The following LPL variants were observed in gnomAD, a reference collection of about 807,000 sequenced individuals.
LPL encodes the protein phospholipase A1.
Under a neutral mutation model 52.2 loss-of-function variants are expected in LPL, and 43 were observed. That is an observed-to-expected ratio of 0.82 (90% CI 0.64 to 1.06). LPL has a LOEUF of 1.06. Among genes scored for constraint, LPL ranks in the 50% least tolerant of loss-of-function variants. The pLI is 0.00. For missense variants in LPL, 639 were observed against 585.3 expected (o/e 1.09, Z -0.95); for synonymous variants, 244 against 215.6 (o/e 1.13, Z -1.15).
intron 5 of LPL, among the ~76,000 whole-genome samples, chr8:19,954,794 AT>A (rs1212001739): frequency 1.3e-5 from 2 of 152,212 alleles, no homozygotes; most frequent in African/African-American, 2.4e-5. Context: ...TTTTACTTTA[AT>A]AATGTTAGCT....
intron 9 of LPL, among the ~76,000 whole-genome samples, chr8:19,963,251 C>T (rs1023348827): frequency 1.2e-4 from 18 of 152,144 alleles, no homozygotes; most frequent in South Asian, 2.1e-4. Context: ...GCCTGGCCAA[C>T]GTGGCGAAAC....
Position 19,952,571 on chromosome 8 carries a change from AC to A in LPL, c.429+625del, listed in dbSNP as rs535686473. Among the ~76,000 whole-genome samples the A allele has an allele frequency of 4.1e-3, 626 of 152,350 alleles. 3 individuals are homozygous for A. Among genetic ancestry groups the A allele is most frequent in the Non-Finnish European group, 5.3e-3 (360 of 68,030 alleles). On this transcript the variant is annotated intron_variant, in intron 3 of 9. Coordinates refer to ENST00000650287, the MANE Select transcript of LPL (RefSeq NM_000237.3). ...GGGTTGGAAAGAAGCTGATACTCTG[AC>A]CAAGGCAAATTATTTTAACCAGGTA... is the stretch of plus-strand genomic sequence containing the variant.
At chr8:19,943,757 T>C (rs1037019846) in intron 1 of LPL, among the ~76,000 whole-genome samples, 1 of 152,218 alleles carries the variant, frequency 6.6e-6, no homozygotes, top group African/African-American at 2.4e-5. Flanking sequence ...TTAATACACA[T>C]CTCTGAACCT....
chr8:19,941,918 A>C (rs1228272403), intron 1 of LPL, among the ~76,000 whole-genome samples: 1 of 152,182 alleles, frequency 6.6e-6, no homozygotes, highest in African/African-American at 2.4e-5. Context: ...CCCAATTAGG[A>C]AACGTGAAGA....
In LPL at chr8:19,951,942, G is replaced by T; in HGVS notation, c.423G>T (p.Trp141Cys). The change falls in exon 3 of 10, where the codon TGG becomes TGT. Residue 141 changes from tryptophan (W) to cysteine (C), a missense_variant. Coordinates refer to ENST00000650287, the MANE Select transcript of LPL (RefSeq NM_000237.3). Reference protein sequence around the residue: ...VGQDVARFINWMEEEFNYPLD... With the variant: ...VGQDVARFINCMEEEFNYPLD... The stretch of plus-strand genomic sequence containing the variant: ...AGGATGTGGCCCGGTTTATCAACTG[G>T]ATGGAGGTAAGACTGGGAGAAGGAG... The T allele has an allele frequency of 6.2e-7, 1 of 1,614,200 alleles. No individual in the cohort carries two copies. The highest frequency in any genetic ancestry group is 8.5e-7 in the Non-Finnish European group (1 of 1,180,046).
Position 19,939,405 on chromosome 8 carries a change from G to C in LPL, c.-36G>C, listed in dbSNP as rs750174349. ...GCTCAGCCGGCTCATCAGTCGGTCC[G>C]CGCCTTGCAGCTCCTCCAGAGGGAC... On this transcript the variant is annotated 5_prime_UTR_variant, in exon 1 of 10. Coordinates refer to ENST00000650287, the MANE Select transcript of LPL (RefSeq NM_000237.3). This position sits in a 1 kb window ranked among gnomAD's most constrained non-coding sequence, Gnocchi z 4.0. 6.4e-7 allele frequency: 1 copy of C among 1,574,600 alleles called. No individual in the cohort carries two copies. The highest frequency in any genetic ancestry group is 1.9e-5 in the Admixed American group (1 of 53,576).
At position 19,959,259 on chromosome 8, in the gene LPL, G is replaced by A. The variant is rs752378955; in HGVS notation, c.1019-1G>A. 1.2e-6 allele frequency: 2 copies of A among 1,613,992 alleles called. No individual in the cohort carries two copies. Among genetic ancestry groups the A allele is most frequent in the African/African-American group, 1.3e-5 (1 of 74,926 alleles). On this transcript the variant is annotated splice_acceptor_variant, in intron 6 of 9. Transcript: ENST00000650287. LOFTEE classifies it high-confidence loss of function. The stretch of plus-strand genomic sequence containing the variant: ...ACATGTTCGAATTTCCTCCCCAACA[G>A]TCTTCCATTACCAAGTAAAGATTCA...
In LPL at chr8:19,967,158, C is replaced by A. The variant is rs3866471; in HGVS notation, c.*1848C>A. ...GTGATGGTCTCACAGAGCCAACTCA[C>A]TCTTATGAAATGGGCTTTAACAAAA... On this transcript the variant is annotated 3_prime_UTR_variant, in exon 10 of 10. Transcript: ENST00000650287. The A allele has an allele frequency of 0.17, 26,669 of 152,492 alleles. 2,405 individuals are homozygous for A. Among genetic ancestry groups the A allele is most frequent in the African/African-American group, 0.22 (9,100 of 41,444 alleles). 9.4% of individuals were successfully genotyped at this position (152,492 alleles called of 1,614,324 possible). A position where few individuals can be genotyped will look rare whatever the true frequency, so the allele number is the denominator to read the frequency against.
Position 19,939,587 on chromosome 8 carries a change from C to A in LPL, c.88+59C>A. On this transcript the variant is annotated intron_variant, in intron 1 of 9. Coordinates refer to ENST00000650287, the MANE Select transcript of LPL (RefSeq NM_000237.3). This position sits in a 1 kb window ranked among gnomAD's most constrained non-coding sequence, Gnocchi z 4.0. The stretch of plus-strand genomic sequence containing the variant: ...AGACCCGGCGGGTGGCCACTGCCAC[C>A]CGAACTGAGGATGAGAAGAAGGAAG... 2 of 1,516,028 alleles carry A rather than the reference C, an allele frequency of 1.3e-6. No individual in the cohort carries two copies. The highest frequency in any genetic ancestry group is 1.2e-5 in the South Asian group (1 of 85,270). 93.9% of individuals were successfully genotyped at this position (1,516,028 alleles called of 1,614,324 possible). A position where few individuals can be genotyped will look rare whatever the true frequency, so the allele number is the denominator to read the frequency against.
chr8:19,960,984 A>G lies in LPL; in HGVS notation c.1223A>G (p.Lys408Arg). Residue 408 changes from lysine to arginine, a missense_variant, in exon 8 of 10, where the codon AAA (lysine) becomes AGA (arginine). Coordinates refer to ENST00000650287, the MANE Select transcript of LPL (RefSeq NM_000237.3). Reference protein sequence around the residue: ...DIGELLMLKLKWKSDSYFSWS... With the variant: ...DIGELLMLKLRWKSDSYFSWS... ...GGAGAACTACTCATGTTGAAGCTCA[A>G]ATGGAAGAGTGATTCATACTTTAGC... 6.2e-7 allele frequency: 1 copy of G among 1,614,114 alleles called. No individual in the cohort carries two copies. Among genetic ancestry groups the G allele is most frequent in the Non-Finnish European group, 8.5e-7 (1 of 1,179,962 alleles).
chr8:19,960,124 G>T (rs1326598956), intron 7 of LPL, among the ~76,000 whole-genome samples: 1 of 151,942 alleles, frequency 6.6e-6, no homozygotes, highest in Non-Finnish European at 1.5e-5. Flanking sequence ...TAAAAGTAAG[G>T]CAACTTGATA....
Position 19,965,445 on chromosome 8 carries a change from C to G in LPL, c.*135C>G. ...GATTTTCCTGAATATTAATCCCAGC[C>G]CTACCCTTGTTAGTTATTTTAGGAG... is the stretch of plus-strand genomic sequence containing the variant. On this transcript the variant is annotated 3_prime_UTR_variant, in exon 10 of 10. Coordinates refer to ENST00000650287, the MANE Select transcript of LPL (RefSeq NM_000237.3). 1.4e-6 allele frequency: 1 copy of G among 693,246 alleles called. No individual in the cohort carries two copies. Among genetic ancestry groups the G allele is most frequent in the Non-Finnish European group, 2.7e-6 (1 of 377,324 alleles). The allele number at this position is 693,246 out of a possible 1,614,324, so 42.9% of individuals were successfully genotyped here. A position where few individuals can be genotyped will look rare whatever the true frequency, so the allele number is the denominator to read the frequency against.
At chr8:19,955,777 C>T in intron 5 of LPL, 64 bp from the exon 6 acceptor site, 1 of 1,607,238 alleles carries the variant, frequency 6.2e-7, no homozygotes, top group South Asian at 1.1e-5. Flanking sequence ...TTTAGACATG[C>T]CAAATGAAAC....
rs301 is a variant in LPL at position 19,959,423 on chromosome 8, T to C, written c.1139+43T>C. The C allele has an allele frequency of 0.24, 380,915 of 1,607,608 alleles. 45,495 individuals are homozygous for C. The highest frequency in any genetic ancestry group is 0.3 in the African/African-American group (22,629 of 74,834). ...GCGGTCATCATGGCACCAGTCCCTC[T>C]CCTGCCATAACCCTTGGTCTGAGCA... On this transcript the variant is annotated intron_variant, in intron 7 of 9. Transcript: ENST00000650287.
intron 1 of LPL, among the ~76,000 whole-genome samples, chr8:19,943,926 C>T (rs1159517573): frequency 6.6e-6 from 1 of 152,192 alleles, no homozygotes; most frequent in Admixed American, 6.5e-5. Flanking sequence ...CAGTGGCTCA[C>T]TCCTGTAATC....
chr8:19,947,834 G>C (rs934936500), intron 1 of LPL, among the ~76,000 whole-genome samples: 7 of 152,068 alleles, frequency 4.6e-5, no homozygotes, highest in African/African-American at 1.4e-4. Flanking sequence ...TTCATGTCTT[G>C]AGAGAAGACA....
chr8:19,961,740 T>C (rs1460190882), intron 8 of LPL, among the ~76,000 whole-genome samples: 1 of 152,086 alleles, frequency 6.6e-6, no homozygotes, highest in Non-Finnish European at 1.5e-5. Context: ...ATGGAAATGT[T>C]ATAAAGAATC....
chr8:19,962,184 A>C lies in LPL; in HGVS notation c.1392A>C (p.Lys464Asn). Reference sequence around the variant, plus strand: ...GAAAGGCACCTGCGGTATTTGTGAAATGCCATGACAAGTCTCTGAATAAGA... The same window carrying C: ...GAAAGGCACCTGCGGTATTTGTGAACTGCCATGACAAGTCTCTGAATAAGA... ...QKGKAPAVFV[K>N]CHDKSLNKKS... The change falls in exon 9 of 10, where the codon AAA becomes AAC. Residue 464 changes from lysine to asparagine, a missense_variant. Transcript: ENST00000650287. 1 of 1,613,870 alleles carries C rather than the reference A, an allele frequency of 6.2e-7. No homozygotes were observed. The highest frequency in any genetic ancestry group is 8.5e-7 in the Non-Finnish European group (1 of 1,179,802).
At position 19,961,058 on chromosome 8, in the gene LPL, G is replaced by C. The variant is rs1227992780; in HGVS notation, c.1297G>C (p.Val433Leu). The C allele has an allele frequency of 6.2e-7, 1 of 1,614,070 alleles. No homozygotes were observed. Among genetic ancestry groups the C allele is most frequent in the South Asian group, 1.1e-5 (1 of 91,078 alleles). The change falls in exon 8 of 10, where the codon GTA becomes CTA. Residue 433 changes from valine to leucine, a missense_variant. By Grantham distance (32) the Val-to-Leu change is conservative. Coordinates refer to ENST00000650287, the MANE Select transcript of LPL (RefSeq NM_000237.3). The part of the protein sequence containing the change: ...SPGFAIQKIR[V>L]KAGETQKKVI... ...CGGCTTCGCCATTCAGAAGATCAGA[G>C]TAAAAGCAGGAGAGACTCAGAAAAA...
Sources: allele counts gnomAD v4.1 joint callset (sites outside exome capture counted in the v4.1 genomes callset), GRCh38; gene constraint gnomAD v4.1.1; non-coding constraint Gnocchi (gnomAD v3.1); transcripts MANE v1.5; gene names NCBI Gene and HGNC (gene_info 2026-07-23, HGNC 2026-07-21).